HOXC4: variants seen among roughly 807,000 people sequenced by gnomAD.
HOXC4 encodes the protein homeobox protein Hox-C4.
HOXC4 carries 15 observed loss-of-function variants against 25.5 expected under a neutral mutation model. That is an observed-to-expected ratio of 0.59 (90% CI 0.39 to 0.91). The LOEUF (loss-of-function observed/expected upper bound fraction) is 0.91, where lower values mean the gene tolerates loss of function less well. Among genes scored for constraint, HOXC4 ranks in the 40% least tolerant of loss-of-function variants. The pLI is 0.00. For missense variants in HOXC4, 342 were observed against 352.4 expected, an observed-to-expected ratio of 0.97 and a Z score of 0.24; for synonymous variants, 165 against 148.0, an observed-to-expected ratio of 1.11 and a Z score of -0.83.
chr12:54,043,403 G>T (rs1461156989), intron 1 of HOXC4, among the ~76,000 whole-genome samples: 5 of 152,100 alleles, frequency 3.3e-5, no homozygotes, highest in African/African-American at 1.2e-4. Flanking sequence ...ATTTACCCCA[G>T]CCCCTGGCCC....
intron 1 of HOXC4, chr12:54,034,201 C>G (rs1268335246): frequency 3.7e-6 from 5 of 1,348,172 alleles, no homozygotes; most frequent in Non-Finnish European, 2.1e-6. Context: ...CGGGTGGGGG[C>G]CTGGGCTGGG....
At chr12:54,021,264 G>A (rs1940422998) in intron 1 of HOXC4, 1 of 152,200 alleles carries the variant, frequency 6.6e-6, no homozygotes, top group African/African-American at 2.4e-5. Context: ...AGTTCTCTAA[G>A]GTCCCCCAAA....
intron 1 of HOXC4, among the ~76,000 whole-genome samples, chr12:54,025,537 GGA>G (rs201936775): frequency 0.35 from 18,703 of 52,842 alleles, 1,628 homozygotes; most frequent in East Asian, 0.43. Context: ...TGGGGGGGGG[GGA>G]GGTGTTGAAA....
chr12:54,029,876 G>C (rs775634833), intron 1 of HOXC4: 1 of 1,612,930 alleles, frequency 6.2e-7, no homozygotes. Context: ...CACTCTCTCG[G>C]GGGGCGGCGG....
At chr12:54,054,616 T>C (rs919065011) in intron 1 of HOXC4, among the ~76,000 whole-genome samples, 33 of 152,280 alleles carry the variant, frequency 2.2e-4, no homozygotes, top group African/African-American at 7.0e-4. Context: ...GTGAAAACTA[T>C]GCTCGCTTTC....
At chr12:54,023,901 G>A (rs1032125361) in intron 1 of HOXC4, among the ~76,000 whole-genome samples, 3 of 152,154 alleles carry the variant, frequency 2.0e-5, no homozygotes, top group Non-Finnish European at 4.4e-5. Flanking sequence ...CCTGCATTCA[G>A]GTTCTCTGGC....
intron 1 of HOXC4, chr12:54,033,340 G>C (rs773857776): frequency 6.2e-7 from 1 of 1,612,734 alleles, no homozygotes; most frequent in African/African-American, 1.3e-5. Flanking sequence ...CACCCCGACC[G>C]CCCCGCCTGC....
upstream of HOXC4, among the ~76,000 whole-genome samples, chr12:54,051,530 A>G (rs1263740641): frequency 6.6e-6 from 1 of 152,116 alleles, no homozygotes; most frequent in Non-Finnish European, 1.5e-5. Flanking sequence ...GCCTGTCCTC[A>G]CATGCAGAGA....
At chr12:54,034,380 T>C (rs745680847) in intron 1 of HOXC4, 8 of 1,614,168 alleles carry the variant, frequency 5.0e-6, no homozygotes, top group South Asian at 2.2e-5. Flanking sequence ...CGCAGGCGCA[T>C]AGAGATCGCC....
upstream of HOXC4, among the ~76,000 whole-genome samples, chr12:54,052,323 A>G (rs1326431307): frequency 6.6e-6 from 1 of 152,248 alleles, no homozygotes; most frequent in African/African-American, 2.4e-5. Context: ...AAGCGCTCCT[A>G]CCACCGCTGG....
upstream of HOXC4, among the ~76,000 whole-genome samples, chr12:54,049,115 G>T (rs1394950906): frequency 6.6e-6 from 1 of 152,226 alleles, no homozygotes; most frequent in Non-Finnish European, 1.5e-5. Context: ...GGAGGAAGGT[G>T]GTGGGGAACC....
At position 54,055,216 on chromosome 12, in the gene HOXC4, A is replaced by G; in HGVS notation, c.*11A>G. ...ATTACCAGGTTATAAAACATAACTCACACCCCTGCCCCCACCCCATGCCCC... is the reference window on the plus strand; with the variant it reads ...ATTACCAGGTTATAAAACATAACTCGCACCCCTGCCCCCACCCCATGCCCC... On this transcript the variant is annotated 3_prime_UTR_variant, in exon 2 of 2. Transcript: ENST00000430889. 1 of 1,501,302 alleles carries G rather than the reference A, an allele frequency of 6.7e-7. No individual in the cohort carries two copies. The highest frequency in any genetic ancestry group is 2.4e-5 in the East Asian group (1 of 42,182). 93.0% of individuals were successfully genotyped at this position (1,501,302 alleles called of 1,614,324 possible). A position where few individuals can be genotyped will look rare whatever the true frequency, so the allele number is the denominator to read the frequency against.
At chr12:54,037,491 C>T (rs955648011) in intron 1 of HOXC4, among the ~76,000 whole-genome samples, 9 of 152,002 alleles carry the variant, frequency 5.9e-5, no homozygotes, top group Non-Finnish European at 8.8e-5. Flanking sequence ...AGGGGGGACA[C>T]GGCCCACTCT....
At chr12:54,051,609 T>C (rs745914956), upstream of HOXC4, among the ~76,000 whole-genome samples, 4 of 152,228 alleles carry the variant, frequency 2.6e-5, no homozygotes, top group Non-Finnish European at 5.9e-5. Flanking sequence ...TTAGAGGTGT[T>C]CAGCCTCTGG....
intron 1 of HOXC4, among the ~76,000 whole-genome samples, chr12:54,025,768 A>T (rs1288973507): frequency 6.6e-6 from 1 of 152,112 alleles, no homozygotes; most frequent in Non-Finnish European, 1.5e-5. Flanking sequence ...TCAGGTCGCC[A>T]ACCTCCCTGA....
chr12:54,048,325 T>C (rs1338848007), intron 1 of HOXC4, among the ~76,000 whole-genome samples: 2 of 152,048 alleles, frequency 1.3e-5, no homozygotes, highest in East Asian at 1.9e-4. Context: ...GAGGTTTCTC[T>C]GGGGGAGTCA....
At chr12:54,023,585 C>A (rs534653344) in intron 1 of HOXC4, among the ~76,000 whole-genome samples, 1 of 152,314 alleles carries the variant, frequency 6.6e-6, no homozygotes, top group Non-Finnish European at 1.5e-5. Flanking sequence ...TTCTCAGCAG[C>A]TTAACATGCC....
chr12:54,029,369 T>C (rs976585047), intron 1 of HOXC4, among the ~76,000 whole-genome samples: 1 of 151,958 alleles, frequency 6.6e-6, no homozygotes, highest in African/African-American at 2.4e-5. Context: ...AAATCTGCTT[T>C]TAGACTTGCA....
At chr12:54,025,674 G>A (rs563996173) in intron 1 of HOXC4, among the ~76,000 whole-genome samples, 4 of 151,830 alleles carry the variant, frequency 2.6e-5, no homozygotes, top group Non-Finnish European at 5.9e-5. Context: ...ATTATAAATC[G>A]GCGAGACCTT....
Sources: gnomAD v4.1 joint callset for allele counts (sites outside exome capture counted in the v4.1 genomes callset) on GRCh38, gnomAD v4.1.1 for gene constraint, MANE v1.5 for transcripts, NCBI Gene and HGNC (gene_info 2026-07-23, HGNC 2026-07-21) for gene names.